Variants in SLC10A7 observed in about 807,000 individuals in gnomAD.
SLC10A7 encodes the protein solute carrier family 10 member 7, also known as sodium/bile acid cotransporter 7.
In SLC10A7, 29 loss-of-function variants were observed where a neutral mutation model predicts 43.2. The observed-to-expected ratio is 0.67, with a 90% confidence interval of 0.50 to 0.92. The LOEUF (loss-of-function observed/expected upper bound fraction) is 0.92. Ranked by LOEUF, SLC10A7 falls within the 40% of genes least tolerant of loss-of-function variation. The probability of loss-of-function intolerance (pLI) is 0.00; values close to 1 mark genes in which losing one functional copy is unlikely to be tolerated. For missense variants in SLC10A7, 295 were observed against 403.2 expected, an observed-to-expected ratio of 0.73 and a Z score of 2.30; for synonymous variants, 152 against 144.8, an observed-to-expected ratio of 1.05 and a Z score of -0.35.
At chr4:146,416,803 C>T (rs1728600105) in intron 5 of SLC10A7, among the ~76,000 whole-genome samples, 1 of 152,154 alleles carries the variant, frequency 6.6e-6, no homozygotes. Context: ...CTGAATTCAT[C>T]TTCATTGCCT....
chr4:146,301,843 A>G (rs950793281), intron 7 of SLC10A7, among the ~76,000 whole-genome samples: 1 of 152,178 alleles, frequency 6.6e-6, no homozygotes, highest in Non-Finnish European at 1.5e-5. Context: ...ATGCAAGCAT[A>G]TAGGTTTCTC....
At chr4:146,518,820 A>G (rs1168179389) in intron 1 of SLC10A7, among the ~76,000 whole-genome samples, 1 of 151,722 alleles carries the variant, frequency 6.6e-6, no homozygotes, top group African/African-American at 2.4e-5. Flanking sequence ...AGAAGACTCA[A>G]AGGATTCTTT....
At chr4:146,391,332 T>C (rs1738412110) in intron 5 of SLC10A7, among the ~76,000 whole-genome samples, 1 of 152,216 alleles carries the variant, frequency 6.6e-6, no homozygotes, top group Non-Finnish European at 1.5e-5. Context: ...CCATTTGTGA[T>C]GGTGCAAATC....
At chr4:146,349,564 G>A (rs1193900825) in intron 5 of SLC10A7, among the ~76,000 whole-genome samples, 1 of 152,206 alleles carries the variant, frequency 6.6e-6, no homozygotes, top group Non-Finnish European at 1.5e-5. Context: ...GCACAAGCAT[G>A]TTCACTGCAC....
chr4:146,401,822 G>A (rs1184069716), intron 5 of SLC10A7, among the ~76,000 whole-genome samples: 2 of 152,164 alleles, frequency 1.3e-5, no homozygotes, highest in Non-Finnish European at 2.9e-5. Flanking sequence ...AGTGTAACTT[G>A]TACTTTGGGG....
intron 4 of SLC10A7, among the ~76,000 whole-genome samples, chr4:146,444,553 A>G (rs1287248733): frequency 6.6e-6 from 1 of 152,208 alleles, no homozygotes; most frequent in East Asian, 1.9e-4. Flanking sequence ...TACTCATAAG[A>G]TCAAATCACC....
At chr4:146,379,621 C>T (rs72729850) in intron 5 of SLC10A7, among the ~76,000 whole-genome samples, 2,537 of 152,088 alleles carry the variant, frequency 0.017, 37 homozygotes, top group Middle Eastern at 0.034. Flanking sequence ...AGACAAAAAC[C>T]CCAATCTTGA....
At chr4:146,453,719 A>G (rs1465019207) in intron 4 of SLC10A7, among the ~76,000 whole-genome samples, 3 of 151,974 alleles carry the variant, frequency 2.0e-5, no homozygotes, top group Non-Finnish European at 2.9e-5. Context: ...AACGCATACA[A>G]AAAATTCTAG....
rs1734978220 is a variant in SLC10A7 at position 146,350,400 on chromosome 4, G to GGA, written c.436-24405_436-24404insTC. 5.4e-5 allele frequency among the ~76,000 whole-genome samples: 3 copies of GGA among 55,660 alleles called. No homozygotes were observed. The East Asian group carries it at 2.2e-3, about 41-fold the overall frequency. 36.5% of individuals were successfully genotyped at this position (55,660 alleles called of 152,430 possible). ...GGTCCTACGCCCACGGAATCTCGCT[G>GGA]ATTGCTAGCACAGCAGTCTGAGATC... On this transcript the variant is annotated intron_variant, in intron 5 of 11. Transcript: ENST00000335472.
intron 9 of SLC10A7, among the ~76,000 whole-genome samples, chr4:146,291,382 A>G (rs1730433730): frequency 1.3e-5 from 2 of 152,174 alleles, no homozygotes; most frequent in Admixed American, 6.5e-5. Flanking sequence ...ACATCAATCA[A>G]TAAGTTTTTA....
chr4:146,517,092 G>A lies in SLC10A7; in HGVS notation c.129C>T (p.Ser43=), dbSNP rs756727680. ...GGPLKPEITV[S]YIAVATIFFN... is the part of the protein sequence containing the mutation. Reference sequence around the variant, plus strand: ...AGAATATTGTTGCAACAGCAATGTAGGATACAGTTATTTCTGGCTTCAGTG... The same window carrying A: ...AGAATATTGTTGCAACAGCAATGTAAGATACAGTTATTTCTGGCTTCAGTG... The change falls in exon 2 of 12, where the codon TCC becomes TCT. Residue 43 remains serine (S), a synonymous_variant. Transcript: ENST00000335472. The A allele has an allele frequency of 5.6e-6, 9 of 1,609,400 alleles. No homozygotes were observed. In the South Asian group the frequency reaches 7.7e-5, roughly 14 times the overall value.
chr4:146,268,925 A>G (rs1728729553), intron 10 of SLC10A7, among the ~76,000 whole-genome samples: 1 of 152,208 alleles, frequency 6.6e-6, no homozygotes, highest in South Asian at 2.1e-4. Flanking sequence ...ATGTAAGGAA[A>G]ATAACCGTTA....
chr4:146,387,268 C>A (rs1224387752), intron 5 of SLC10A7, among the ~76,000 whole-genome samples: 2 of 152,174 alleles, frequency 1.3e-5, no homozygotes, highest in Non-Finnish European at 2.9e-5. Context: ...AGATAATACA[C>A]CACAGTCAAG....
intron 5 of SLC10A7, chr4:146,408,543 C>T: frequency 6.6e-6 from 1 of 152,282 alleles, no homozygotes; most frequent in Non-Finnish European, 1.5e-5. Context: ...AAAATACCAA[C>T]AGCTAAGAAT....
At chr4:146,351,458 T>C (rs1735096358) in intron 5 of SLC10A7, among the ~76,000 whole-genome samples, 1 of 151,636 alleles carries the variant, frequency 6.6e-6, no homozygotes, top group Non-Finnish European at 1.5e-5. Flanking sequence ...TGGAAAACAC[T>C]CTGCAGGATA....
chr4:146,360,630 T>G (rs1173274930), intron 5 of SLC10A7, among the ~76,000 whole-genome samples: 3 of 151,996 alleles, frequency 2.0e-5, no homozygotes, highest in Admixed American at 6.6e-5. Flanking sequence ...TTGTTTGTTT[T>G]TTTGTTAGTA....
chr4:146,409,686 T>C (rs1206747383), intron 5 of SLC10A7, among the ~76,000 whole-genome samples: 1 of 152,210 alleles, frequency 6.6e-6, no homozygotes, highest in Non-Finnish European at 1.5e-5. Context: ...AGAGTTATTT[T>C]ATGCTGGGTT....
chr4:146,509,291 C>A (rs958721765), intron 3 of SLC10A7, among the ~76,000 whole-genome samples: 1 of 152,182 alleles, frequency 6.6e-6, no homozygotes, highest in African/African-American at 2.4e-5. Context: ...AAATAAATAA[C>A]TTGAATCAAT....
chr4:146,404,894 G>A (rs559428102), intron 5 of SLC10A7, among the ~76,000 whole-genome samples: 1 of 152,150 alleles, frequency 6.6e-6, no homozygotes, highest in Non-Finnish European at 1.5e-5. Context: ...GTTATTGACA[G>A]TTTTGTTTGT....
Sources: gnomAD v4.1 joint callset for allele counts (sites outside exome capture counted in the v4.1 genomes callset) on GRCh38, gnomAD v4.1.1 for gene constraint, MANE v1.5 for transcripts, NCBI Gene and HGNC (gene_info 2026-07-23, HGNC 2026-07-21) for gene names.